The following ITGA9 variants were observed in gnomAD, a reference collection of about 807,000 sequenced individuals.
ITGA9 encodes the protein integrin subunit alpha 9.
A neutral mutation model predicts 127.8 loss-of-function variants in ITGA9; 56 were observed. The ratio of observed to expected loss-of-function variants is 0.44; its 90% CI spans 0.35 to 0.55. The LOEUF is 0.55. Among genes scored for constraint, ITGA9 ranks in the 20% least tolerant of loss-of-function variants. The pLI, the probability that ITGA9 is intolerant of heterozygous loss-of-function variation, is 0.00. For missense variants in ITGA9, 1,196 were observed against 1,347.1 expected (o/e 0.89, Z 1.76); for synonymous variants, 508 against 514.5 (o/e 0.99, Z 0.17).
chr3:37,620,830 T>C (rs1559551438), intron 15 of ITGA9, among the ~76,000 whole-genome samples: 1 of 152,202 alleles, frequency 6.6e-6, no homozygotes, highest in Non-Finnish European at 1.5e-5. Context: ...TCTTCCCTCA[T>C]TGGATTGCCA....
At chr3:37,776,396 G>C (rs1314816203) in intron 23 of ITGA9, among the ~76,000 whole-genome samples, 1 of 152,108 alleles carries the variant, frequency 6.6e-6, no homozygotes, top group Non-Finnish European at 1.5e-5. Context: ...ATAAAAAGTT[G>C]AAACATTCTT....
intron 15 of ITGA9, among the ~76,000 whole-genome samples, chr3:37,565,227 T>C (rs1194097087): frequency 2.0e-5 from 3 of 152,224 alleles, no homozygotes; most frequent in Admixed American, 1.3e-4. Flanking sequence ...ATGCTTCTTG[T>C]GGGTCCATTA....
At chr3:37,478,152 T>C (rs935834804) in intron 3 of ITGA9, among the ~76,000 whole-genome samples, 1 of 152,176 alleles carries the variant, frequency 6.6e-6, no homozygotes, top group Non-Finnish European at 1.5e-5. Context: ...GTTGGGGAGC[T>C]TCTTAGGGGA....
intron 1 of ITGA9, among the ~76,000 whole-genome samples, chr3:37,463,525 T>A (rs1462556825): frequency 6.6e-6 from 1 of 152,166 alleles, no homozygotes; most frequent in Non-Finnish European, 1.5e-5. Context: ...GGTGGTTGGG[T>A]AGGGTACCAA....
intron 27 of ITGA9, 132 bp from the exon 28 acceptor site, chr3:37,818,759 C>A: frequency 1.4e-6 from 1 of 716,708 alleles, no homozygotes; most frequent in Non-Finnish European, 2.6e-6. Context: ...TTTCTCTAAT[C>A]CGAGGGGTCC....
intron 24 of ITGA9, among the ~76,000 whole-genome samples, chr3:37,778,713 A>G (rs1449139128): frequency 6.9e-6 from 1 of 145,268 alleles, no homozygotes; most frequent in East Asian, 2.0e-4. Context: ...GGTATTGAAG[A>G]TGGAATGACA....
At chr3:37,483,537 C>A (rs2125559778) in intron 4 of ITGA9, among the ~76,000 whole-genome samples, 1 of 152,332 alleles carries the variant, frequency 6.6e-6, no homozygotes, top group East Asian at 1.9e-4. Context: ...GGAAGATGTA[C>A]TCCTCAGCAC....
chr3:37,735,841 C>A (rs1696354577), intron 19 of ITGA9, among the ~76,000 whole-genome samples: 1 of 152,216 alleles, frequency 6.6e-6, no homozygotes, highest in South Asian at 2.1e-4. Context: ...CAGCACTGAA[C>A]AACATTGACC....
At chr3:37,542,384 GT>G (rs1265837967) in intron 14 of ITGA9, 40 bp from the exon 15 acceptor site, 2 of 1,609,870 alleles carry the variant, frequency 1.2e-6, no homozygotes, top group Admixed American at 3.3e-5. Context: ...ATCACAGTGT[GT>G]CGGTCCTTTC....
At chr3:37,741,095 G>T (rs1437473121) in intron 20 of ITGA9, among the ~76,000 whole-genome samples, 1 of 152,104 alleles carries the variant, frequency 6.6e-6, no homozygotes, top group African/African-American at 2.4e-5. Context: ...CGTGGAACAG[G>T]CACTTACACA....
chr3:37,598,234 A>G (rs1699886392), intron 15 of ITGA9, among the ~76,000 whole-genome samples: 1 of 152,144 alleles, frequency 6.6e-6, no homozygotes, highest in Admixed American at 6.5e-5. Flanking sequence ...AGACTATGAA[A>G]AGATTAAAAA....
intron 3 of ITGA9, among the ~76,000 whole-genome samples, chr3:37,478,426 T>G (rs1698517094): frequency 6.6e-6 from 1 of 152,262 alleles, no homozygotes; most frequent in Non-Finnish European, 1.5e-5. Flanking sequence ...AAAGTGTTTA[T>G]TTTCTTTCTC....
chr3:37,549,042 A>C (rs1699354685), intron 15 of ITGA9, among the ~76,000 whole-genome samples: 1 of 152,218 alleles, frequency 6.6e-6, no homozygotes, highest in Non-Finnish European at 1.5e-5. Flanking sequence ...CACAGATGGC[A>C]CTAAGGAACC....
intron 1 of ITGA9, among the ~76,000 whole-genome samples, chr3:37,461,081 T>C (rs1016792583): frequency 6.6e-6 from 1 of 152,088 alleles, no homozygotes. Context: ...GTAGGCAGCA[T>C]TGCAGAGGGT....
chr3:37,623,038 A>G (rs1255938698), intron 15 of ITGA9, among the ~76,000 whole-genome samples: 1 of 151,940 alleles, frequency 6.6e-6, no homozygotes, highest in Non-Finnish European at 1.5e-5. Context: ...TTTGATCTGG[A>G]TATTTCCTAT....
chr3:37,563,985 G>A (rs753911153), intron 15 of ITGA9, among the ~76,000 whole-genome samples: 16 of 152,286 alleles, frequency 1.1e-4, no homozygotes, highest in African/African-American at 2.4e-4. Flanking sequence ...GGATAGTAAC[G>A]ACTTTTATGT....
At chr3:37,557,536 T>A (rs1478256662) in intron 15 of ITGA9, among the ~76,000 whole-genome samples, 3 of 152,128 alleles carry the variant, frequency 2.0e-5, no homozygotes, top group Non-Finnish European at 4.4e-5. Flanking sequence ...GTGGGTCCAA[T>A]GGTGGATGAA....
chr3:37,649,640 A>G (rs1007019296), intron 16 of ITGA9, among the ~76,000 whole-genome samples: 1 of 152,234 alleles, frequency 6.6e-6, no homozygotes, highest in African/African-American at 2.4e-5. Flanking sequence ...CCCACTCTCA[A>G]TAATGGATAG....
Position 37,628,857 on chromosome 3 carries a change from G to A in ITGA9, c.1690-330G>A, listed in dbSNP as rs944007292. ...AAGGGTTAGCAGAGTGAGCACAGAT[G>A]TTCTCCCATTTGCCAACTGGTTTCT... On this transcript the variant is annotated intron_variant, in intron 15 of 27. Coordinates refer to ENST00000264741, the MANE Select transcript of ITGA9 (RefSeq NM_002207.3). Among the ~76,000 whole-genome samples, 8 of 152,220 alleles carry A rather than the reference G, an allele frequency of 5.3e-5. No homozygotes were observed. In the East Asian group the frequency reaches 1.5e-3, roughly 29 times the overall value.
Sources: allele counts gnomAD v4.1 joint callset (sites outside exome capture counted in the v4.1 genomes callset), GRCh38; gene constraint gnomAD v4.1.1; transcripts MANE v1.5; gene names NCBI Gene and HGNC (gene_info 2026-07-23, HGNC 2026-07-21).